CHST8: variants seen among roughly 807,000 people sequenced by gnomAD.
CHST8 encodes GALNAC-4-ST1.
CHST8 carries 10 observed loss-of-function variants against 15.0 expected under a neutral mutation model. That is an observed-to-expected ratio of 0.67 (90% CI 0.41 to 1.13). The LOEUF (loss-of-function observed/expected upper bound fraction) is 1.13. Among genes scored for constraint, CHST8 ranks in the 50% most tolerant of loss-of-function variants. CHST8 has a pLI of 0.00. For missense variants in CHST8, 634 were observed against 608.2 expected, an observed-to-expected ratio of 1.04 and a Z score of -0.45; for synonymous variants, 259 against 256.6, an observed-to-expected ratio of 1.01 and a Z score of -0.09.
rs1329282510 is a variant in CHST8 at position 33,757,459 on chromosome 19, A to G, written c.131-13954A>G. Among the ~76,000 whole-genome samples, 19 of 40,734 alleles carry G rather than the reference A, an allele frequency of 4.7e-4. 4 individuals carry two copies. The highest frequency in any genetic ancestry group is 9.6e-4 in the East Asian group (2 of 2,092). The allele number at this position is 40,734 out of a possible 152,430, so 26.7% of individuals were successfully genotyped here. The stretch of plus-strand genomic sequence containing the variant: ...GAAAGAAAGAAAGAAAGAAAGAAAG[A>G]AAGAAAGAAAGAAAGAAAGAAAGAA... On this transcript the variant is annotated intron_variant, in intron 3 of 4. Coordinates refer to ENST00000650847, the MANE Select transcript of CHST8 (RefSeq NM_001127895.2).
chr19:33,743,917 A>G (rs1006929864), intron 3 of CHST8, among the ~76,000 whole-genome samples: 17 of 150,472 alleles, frequency 1.1e-4, no homozygotes, highest in African/African-American at 3.7e-4. Context: ...TCAGCCTCCC[A>G]AGTAGCTGGG....
chr19:33,637,363 A>T (rs967945151), intron 1 of CHST8, among the ~76,000 whole-genome samples: 1 of 150,588 alleles, frequency 6.6e-6, no homozygotes, highest in Non-Finnish European at 1.5e-5. Context: ...TGACAGAAGG[A>T]TCCCTGTGGG....
At chr19:33,692,696 T>C (rs1270622039) in intron 3 of CHST8, among the ~76,000 whole-genome samples, 1 of 152,154 alleles carries the variant, frequency 6.6e-6, no homozygotes, top group Non-Finnish European at 1.5e-5. Context: ...CCGGACTTTG[T>C]CTCAAACAAC....
chr19:33,722,862 C>T (rs1049248384), intron 3 of CHST8, among the ~76,000 whole-genome samples: 1 of 152,232 alleles, frequency 6.6e-6, no homozygotes, highest in African/African-American at 2.4e-5. Context: ...GATATGAATA[C>T]ACTAAGTGGA....
chr19:33,650,508 T>TTTTC (rs1307705596), intron 1 of CHST8, among the ~76,000 whole-genome samples: 1,127 of 94,396 alleles, frequency 0.012, 64 homozygotes, highest in African/African-American at 0.048. Flanking sequence ...TTTCTTTTTC[T>TTTTC]TTTTCTTTTC....
At chr19:33,721,690 C>G (rs986419449) in intron 3 of CHST8, among the ~76,000 whole-genome samples, 9 of 139,888 alleles carry the variant, frequency 6.4e-5, no homozygotes, top group African/African-American at 2.4e-4. Context: ...AGAGGGATGG[C>G]TGGGTGGAAG....
intron 1 of CHST8, among the ~76,000 whole-genome samples, chr19:33,631,750 G>A (rs12609614): frequency 0.11 from 17,012 of 152,042 alleles, 1,161 homozygotes; most frequent in Middle Eastern, 0.19. Context: ...GCACAGCCAT[G>A]GCAACCACTC....
chr19:33,744,390 G>A (rs1023275054), intron 3 of CHST8: 3 of 152,184 alleles, frequency 2.0e-5, no homozygotes, highest in Non-Finnish European at 4.4e-5. Context: ...ATTGCAGAGG[G>A]TGGCGTGCTT....
intron 1 of CHST8, among the ~76,000 whole-genome samples, chr19:33,657,156 C>CACACACAAAA (rs756944119): frequency 4.1e-5 from 6 of 146,402 alleles, no homozygotes; most frequent in Admixed American, 6.7e-5. Context: ...CACACACACA[C>CACACACAAAA]AAACACACAT....
intron 2 of CHST8, among the ~76,000 whole-genome samples, chr19:33,672,179 A>G (rs1384398914): frequency 1.3e-5 from 2 of 149,246 alleles, no homozygotes; most frequent in Non-Finnish European, 3.0e-5. Flanking sequence ...CTCCATTGAA[A>G]GTATTTCTTT....
chr19:33,687,340 T>C (rs1424567004), intron 2 of CHST8, among the ~76,000 whole-genome samples: 1 of 152,204 alleles, frequency 6.6e-6, no homozygotes, highest in African/African-American at 2.4e-5. Context: ...CAAGGGGCTT[T>C]GAGTCTGAGC....
At chr19:33,743,245 C>A (rs1974232933) in intron 3 of CHST8, among the ~76,000 whole-genome samples, 1 of 152,014 alleles carries the variant, frequency 6.6e-6, no homozygotes, top group Admixed American at 6.6e-5. Context: ...TGTAGCATAA[C>A]CACCTTTGGG....
chr19:33,654,863 C>T (rs909580593), intron 1 of CHST8, among the ~76,000 whole-genome samples: 9 of 152,116 alleles, frequency 5.9e-5, no homozygotes, highest in African/African-American at 9.7e-5. Flanking sequence ...GTAGGGTCTG[C>T]CATCTGTGTT....
At chr19:33,636,906 A>G (rs147644640) in intron 1 of CHST8, among the ~76,000 whole-genome samples, 28 of 152,322 alleles carry the variant, frequency 1.8e-4, no homozygotes, top group African/African-American at 6.0e-4. Context: ...AGTCTCAAAA[A>G]AGAAAGAAAG....
chr19:33,754,483 T>G (rs183271469), intron 3 of CHST8, among the ~76,000 whole-genome samples: 57 of 152,280 alleles, frequency 3.7e-4, no homozygotes, highest in Admixed American at 3.7e-3. Flanking sequence ...ATCTTAACCC[T>G]ATGCCTGCTC....
chr19:33,729,809 T>C (rs923067290), intron 3 of CHST8, among the ~76,000 whole-genome samples: 2 of 152,050 alleles, frequency 1.3e-5, no homozygotes, highest in Non-Finnish European at 2.9e-5. Context: ...GGCTGAAGGA[T>C]AGAGATTGTC....
At chr19:33,664,372 T>G in intron 1 of CHST8, among the ~76,000 whole-genome samples, 1 of 151,144 alleles carries the variant, frequency 6.6e-6, no homozygotes. Flanking sequence ...GCCATGCTGA[T>G]GCGCTGCACC....
intron 3 of CHST8, among the ~76,000 whole-genome samples, chr19:33,770,752 G>A (rs898949053): frequency 2.0e-5 from 3 of 152,146 alleles, no homozygotes; most frequent in African/African-American, 7.2e-5. Context: ...CTACCTGGGC[G>A]CTGCTTAGGG....
At chr19:33,647,034 G>A (rs546289587) in intron 1 of CHST8, among the ~76,000 whole-genome samples, 1 of 152,344 alleles carries the variant, frequency 6.6e-6, no homozygotes, top group South Asian at 2.1e-4. Context: ...GGAGCAAAAT[G>A]GAGTCAGCTA....
Sources: allele counts gnomAD v4.1 joint callset (sites outside exome capture counted in the v4.1 genomes callset), GRCh38; gene constraint gnomAD v4.1.1; transcripts MANE v1.5; gene names NCBI Gene and HGNC (gene_info 2026-07-23, HGNC 2026-07-21).